Variants in BCR observed in about 807,000 individuals in gnomAD.
BCR encodes BCR activator of RhoGEF and GTPase, also known as breakpoint cluster region protein.
Under a neutral mutation model 138.6 loss-of-function variants are expected in BCR, and 58 were observed. The ratio of observed to expected loss-of-function variants is 0.42; its 90% CI spans 0.34 to 0.52. The LOEUF is 0.52. BCR is among the 20% of genes least tolerant of loss of function. The pLI is 0.06. For synonymous variants in BCR, 786 were observed against 730.1 expected (o/e 1.08, Z -1.23); for missense variants, 1,599 against 1,727.2 (o/e 0.93, Z 1.32).
chr22:23,202,145 C>T (rs1191546084), intron 1 of BCR, among the ~76,000 whole-genome samples: 4 of 152,032 alleles, frequency 2.6e-5, no homozygotes, highest in African/African-American at 9.7e-5. Context: ...TTGGACATTT[C>T]GAGTGGTTCT....
intron 1 of BCR, among the ~76,000 whole-genome samples, chr22:23,205,206 G>T (rs1434230205): frequency 6.6e-6 from 1 of 152,186 alleles, no homozygotes; most frequent in African/African-American, 2.4e-5. Flanking sequence ...TACTGAGCTG[G>T]CCGGTGCTGG....
chr22:23,300,821 A>G (rs950224507), intron 16 of BCR, among the ~76,000 whole-genome samples: 1 of 152,170 alleles, frequency 6.6e-6, no homozygotes, highest in Non-Finnish European at 1.5e-5. Context: ...CACAGTCCAA[A>G]TCTCATCCCC....
chr22:23,239,216 C>T (rs532261418), intron 1 of BCR, among the ~76,000 whole-genome samples: 2 of 152,096 alleles, frequency 1.3e-5, no homozygotes, highest in East Asian at 1.9e-4. Context: ...CAGGAAGGAG[C>T]GCAGCTTCAG....
chr22:23,273,081 C>T lies in BCR; in HGVS notation c.1922C>T (p.Thr641Ile), dbSNP rs749184833. The T allele has an allele frequency of 3.7e-6, 6 of 1,613,260 alleles. No homozygotes were observed. In the Admixed American group the frequency reaches 1.0e-4, roughly 27 times the overall value. ...TCTCACCTCCCCTCTCTCTCCACAG[C>T]TCTGCTCTACAAGCCTGTGGACCGT... ...KDPTTKNSLE[T>I]LLYKPVDRVT... Residue 641 changes from threonine to isoleucine, a missense_variant and splice_region_variant, in exon 7 of 23, where the codon ACT becomes ATT. Thr to Ile is a moderately conservative substitution (Grantham distance 89). Around this residue, in one of 4 missense-constraint regions of BCR, gnomAD observed 590 missense variants for 762.4 expected, o/e 0.77. Coordinates refer to ENST00000305877, the MANE Select transcript of BCR (RefSeq NM_004327.4).
chr22:23,272,242 A>G (rs2073518062), intron 6 of BCR, among the ~76,000 whole-genome samples: 1 of 152,232 alleles, frequency 6.6e-6, no homozygotes, highest in South Asian at 2.1e-4. Flanking sequence ...AAGTGCTGTC[A>G]GGAATTGTCA....
chr22:23,253,845 G>C lies in BCR; in HGVS notation c.1326G>C (p.Arg442=), dbSNP rs1021131773. Residue 442 remains arginine (R), a synonymous_variant, in exon 2 of 23, where the codon CGG becomes CGC. Transcript: ENST00000305877. The stretch of plus-strand genomic sequence containing the variant: ...CTGGATACGGCTGCGCTGCAGACCG[G>C]GCAGAGGAGCAGCGCCGGCACCAAG... The part of the protein sequence containing the change: ...TPPGYGCAAD[R]AEEQRRHQDG... 2 of 1,613,128 alleles carry C rather than the reference G, an allele frequency of 1.2e-6. No homozygotes were observed. Among genetic ancestry groups the C allele is most frequent in the Non-Finnish European group, 1.7e-6 (2 of 1,180,004 alleles).
chr22:23,281,898 T>C (rs368198567), intron 8 of BCR, among the ~76,000 whole-genome samples: 19 of 152,228 alleles, frequency 1.2e-4, no homozygotes, highest in African/African-American at 4.1e-4. Context: ...GGGTGCCCCT[T>C]AGGTGGGTTG....
chr22:23,288,487 T>C (rs2073744119), intron 12 of BCR, among the ~76,000 whole-genome samples: 3 of 136,136 alleles, frequency 2.2e-5, no homozygotes, highest in South Asian at 2.4e-4. Context: ...CCCTGCCATC[T>C]CCCCCTAGTC....
intron 16 of BCR, among the ~76,000 whole-genome samples, chr22:23,298,573 CTTTCCTT>C (rs67158770): frequency 0.21 from 31,963 of 151,020 alleles, 3,578 homozygotes; most frequent in Middle Eastern, 0.29. Flanking sequence ...TTCTTTCTTC[CTTTCCTT>C]TTTCCTTTTT....
In BCR at chr22:23,185,857, T is replaced by C. The variant is rs181517062; in HGVS notation, c.1279+3618T>C. Among the ~76,000 whole-genome samples, 451 of 151,642 alleles carry C rather than the reference T, an allele frequency of 3.0e-3. 4 individuals are homozygous for C. Among genetic ancestry groups the C allele is most frequent in the African/African-American group, 0.01 (432 of 41,420 alleles). On this transcript the variant is annotated intron_variant, in intron 1 of 22. Coordinates refer to ENST00000305877, the MANE Select transcript of BCR (RefSeq NM_004327.4). ...CATTCTCCTGCCTCAGCCTCCTGGG[T>C]AGCTGGGACCACAGGCGCCCACCAC...
intron 1 of BCR, among the ~76,000 whole-genome samples, chr22:23,187,754 C>T: frequency 6.6e-6 from 1 of 152,156 alleles, no homozygotes. Flanking sequence ...GCATATTCAT[C>T]ACCTCAAACA....
At chr22:23,184,775 C>A (rs890360498) in intron 1 of BCR, among the ~76,000 whole-genome samples, 3 of 152,196 alleles carry the variant, frequency 2.0e-5, no homozygotes, top group Non-Finnish European at 4.4e-5. Context: ...AGCAGTTTCC[C>A]CTGACGTGGG....
At chr22:23,222,467 C>G (rs2072836641) in intron 1 of BCR, among the ~76,000 whole-genome samples, 1 of 152,200 alleles carries the variant, frequency 6.6e-6, no homozygotes, top group African/African-American at 2.4e-5. Context: ...AGATAAATTG[C>G]ACAAGTGCTA....
At chr22:23,248,072 A>G (rs1002924435) in intron 1 of BCR, among the ~76,000 whole-genome samples, 1 of 152,224 alleles carries the variant, frequency 6.6e-6, no homozygotes. Flanking sequence ...GGCTGGGCGC[A>G]GTGGCTCACG....
intron 16 of BCR, among the ~76,000 whole-genome samples, chr22:23,300,521 C>T (rs1014694523): frequency 6.6e-6 from 1 of 152,120 alleles, no homozygotes; most frequent in African/African-American, 2.4e-5. Context: ...AAGATCCACC[C>T]AACTTGGTGT....
chr22:23,201,352 C>T lies in BCR; in HGVS notation c.1279+19113C>T, dbSNP rs1032139051. 2.6e-5 allele frequency among the ~76,000 whole-genome samples: 4 copies of T among 152,322 alleles called. No individual in the cohort carries two copies. The South Asian group carries it at 8.3e-4, about 32-fold the overall frequency. ...CTCCTGGCAGTTGTAGGACTGAGTC[C>T]CCATTTCCTTGCTGGCATTGGCTGG... On this transcript the variant is annotated intron_variant, in intron 1 of 22. Transcript: ENST00000305877.
rs375368695 is a variant in BCR at position 23,186,047 on chromosome 22, G to A, written c.1279+3808G>A. Reference sequence around the variant, plus strand: ...GCAAGGCGGATAGTGTGGTTCTTGCGATCTGGGAACTTACAAGTTACCGGA... The same window carrying A: ...GCAAGGCGGATAGTGTGGTTCTTGCAATCTGGGAACTTACAAGTTACCGGA... On this transcript the variant is annotated intron_variant, in intron 1 of 22. Transcript: ENST00000305877. Among the ~76,000 whole-genome samples, 19 of 152,276 alleles carry A rather than the reference G, an allele frequency of 1.2e-4. No homozygotes were observed. The East Asian group carries it at 3.7e-3, about 29-fold the overall frequency.
At chr22:23,311,584 AC>A in intron 18 of BCR, 112 bp from the exon 19 acceptor site, 2 of 760,292 alleles carry the variant, frequency 2.6e-6, no homozygotes, top group Non-Finnish European at 2.2e-6. Context: ...AGACCTGGGT[AC>A]CTTCGTCACC....
At chr22:23,283,805 A>G in intron 8 of BCR, 172 bp from the exon 9 acceptor site, 1 of 839,124 alleles carries the variant, frequency 1.2e-6, no homozygotes, top group Admixed American at 3.1e-5. Context: ...GGACAGTGAG[A>G]TGAACAAAAC....
Sources: allele counts gnomAD v4.1 joint callset (sites outside exome capture counted in the v4.1 genomes callset), GRCh38; gene constraint gnomAD v4.1.1; regional missense constraint gnomAD v4.1.1; transcripts MANE v1.5; gene names NCBI Gene and HGNC (gene_info 2026-07-23, HGNC 2026-07-21).